ACSM6: variants seen among roughly 807,000 people sequenced by gnomAD.
The protein encoded by ACSM6 is acyl-CoA synthetase medium chain family member 6, also known as acyl-coenzyme A synthetase ACSM6, mitochondrial.
In ACSM6, 35 loss-of-function variants were observed where a neutral mutation model predicts 51.1. That is an observed-to-expected ratio of 0.69 (90% CI 0.52 to 0.91). The LOEUF is 0.91. Ranked by LOEUF, ACSM6 falls within the 40% of genes least tolerant of loss-of-function variation. The pLI is 0.00. For missense variants in ACSM6, 509 were observed against 584.1 expected (o/e 0.87, Z 1.32); for synonymous variants, 172 against 207.3 (o/e 0.83, Z 1.46).
intron 2 of ACSM6, among the ~76,000 whole-genome samples, chr10:95,195,971 G>T (rs1589488259): frequency 6.7e-6 from 1 of 148,472 alleles, no homozygotes; most frequent in Middle Eastern, 3.6e-3. Flanking sequence ...TTTCATCTTT[G>T]CTGAGCTGTG....
intron 8 of ACSM6, among the ~76,000 whole-genome samples, chr10:95,215,314 T>G (rs940794224): frequency 3.9e-5 from 6 of 152,144 alleles, no homozygotes; most frequent in African/African-American, 1.2e-4. Flanking sequence ...AAATTATCAC[T>G]GCTGAAAATG....
At chr10:95,197,437 G>C (rs1473468066) in intron 2 of ACSM6, among the ~76,000 whole-genome samples, 1 of 152,044 alleles carries the variant, frequency 6.6e-6, no homozygotes. Context: ...TGATAATAAG[G>C]AGAAGGTCAG....
At chr10:95,225,464 T>C in intron 10 of ACSM6, 73 bp downstream of exon 10, 1 of 1,077,436 alleles carries the variant, frequency 9.3e-7, no homozygotes, top group Non-Finnish European at 1.3e-6. Flanking sequence ...TGTTGAGTAC[T>C]TTATGATTTG....
At chr10:95,219,892 G>T in exon 9 of ACSM6, 1 of 1,612,888 alleles carries the variant, frequency 6.2e-7, no homozygotes, top group Non-Finnish European at 8.5e-7. Flanking sequence ...TTTGAACAGG[G>T]TCTACTCTGT....
In ACSM6 at chr10:95,202,139, T is replaced by C. The variant is rs777627862; in HGVS notation, c.347T>C (p.Ile116Thr). 29 of 1,552,166 alleles carry C rather than the reference T, an allele frequency of 1.9e-5. No homozygotes were observed. In the South Asian group the frequency reaches 2.6e-4, roughly 14 times the overall value. The change falls in exon 3 of 11, where the codon ATA becomes ACA. Residue 116 changes from isoleucine to threonine, a missense_variant. By Grantham distance (89) the Ile-to-Thr change is moderately conservative. Coordinates refer to ENST00000341686, the Ensembl canonical transcript of ACSM6. ...CTTAGCCATGGAGACCGGCTGATGATAATCTTGCCCCCAACACCTGAAGCC... is the reference window on the plus strand; with the variant it reads ...CTTAGCCATGGAGACCGGCTGATGACAATCTTGCCCCCAACACCTGAAGCC...
chr10:95,225,122 ACTGAACCACACTGCCT>A (rs1476752390), intron 9 of ACSM6, among the ~76,000 whole-genome samples, 152 bp from the exon 10 acceptor site: 1 of 152,190 alleles, frequency 6.6e-6, no homozygotes, highest in Admixed American at 6.5e-5. Flanking sequence ...CACACTGACG[ACTGAACCACACTGCCT>A]CTTAGGTTGC....
intron 5 of ACSM6, among the ~76,000 whole-genome samples, chr10:95,211,183 G>A (rs1041665547): frequency 1.3e-5 from 2 of 152,198 alleles, no homozygotes; most frequent in African/African-American, 4.8e-5. Context: ...GGGTTCTAGA[G>A]TCAGCCTCTA....
At chr10:95,209,452 C>T (rs759775346) in intron 4 of ACSM6, among the ~76,000 whole-genome samples, 2 of 152,032 alleles carry the variant, frequency 1.3e-5, no homozygotes, top group Non-Finnish European at 2.9e-5. Context: ...TGTGAAACTC[C>T]CTCAACTGCT....
At chr10:95,223,295 T>TA (rs1400882758) in intron 9 of ACSM6, among the ~76,000 whole-genome samples, 1 of 151,796 alleles carries the variant, frequency 6.6e-6, no homozygotes, top group Non-Finnish European at 1.5e-5. Context: ...CAAAAACATA[T>TA]AACACCAGGA....
intron 7 of ACSM6, 40 bp downstream of exon 7, chr10:95,212,980 A>T (rs1157278609): frequency 1.3e-6 from 2 of 1,507,766 alleles, no homozygotes; most frequent in South Asian, 2.3e-5. Flanking sequence ...ATTTCCACTC[A>T]TGGTACCATA....
intron 10 of ACSM6, 174 bp from the exon 11 acceptor site, chr10:95,228,470 C>G (rs2035063060): frequency 1.8e-6 from 1 of 568,212 alleles, no homozygotes; most frequent in South Asian, 4.0e-5. Context: ...AGAGAAATGA[C>G]CAAGGAAAGT....
chr10:95,202,315 TG>T (rs2133374052), intron 3 of ACSM6, 120 bp downstream of exon 3: 2 of 915,198 alleles, frequency 2.2e-6, no homozygotes. Context: ...TCCCACAGTG[TG>T]GGGGATCTTT....
chr10:95,205,770 G>C (rs188589100), intron 3 of ACSM6, among the ~76,000 whole-genome samples: 21 of 152,296 alleles, frequency 1.4e-4, no homozygotes, highest in Admixed American at 1.4e-3. Context: ...GGGGGCACTT[G>C]AAAGTGTTTG....
chr10:95,215,117 G>A (rs780667424), intron 8 of ACSM6, 142 bp downstream of exon 8: 56 of 934,712 alleles, frequency 6.0e-5, no homozygotes, highest in Non-Finnish European at 8.5e-5. Context: ...TTAAACTAGG[G>A]AGACCCCTCT....
chr10:95,222,297 A>G (rs189589962), intron 9 of ACSM6, among the ~76,000 whole-genome samples: 15 of 152,268 alleles, frequency 9.9e-5, no homozygotes, highest in Admixed American at 8.5e-4. Flanking sequence ...GTGTTTCTAT[A>G]CACTACAATA....
intron 2 of ACSM6, 127 bp from the exon 3 acceptor site, chr10:95,201,858 C>T: frequency 1.4e-6 from 1 of 719,888 alleles, no homozygotes; most frequent in Non-Finnish European, 2.4e-6. Context: ...ACAGTAGCTC[C>T]CCCTAAGCCC....
At chr10:95,201,666 T>C in intron 2 of ACSM6, 2 of 510,184 alleles carry the variant, frequency 3.9e-6, no homozygotes, top group Non-Finnish European at 7.6e-6. Context: ...TTCTTTTGGG[T>C]AGACACCCAG....
At chr10:95,209,317 T>G (rs868147560) in intron 4 of ACSM6, among the ~76,000 whole-genome samples, 1 of 149,596 alleles carries the variant, frequency 6.7e-6, no homozygotes, top group East Asian at 2.0e-4. Flanking sequence ...GTGCGGAGAG[T>G]GGGGAAGAGA....
chr10:95,226,880 T>C (rs2035044706), intron 10 of ACSM6, among the ~76,000 whole-genome samples: 2 of 152,222 alleles, frequency 1.3e-5, no homozygotes, highest in Admixed American at 6.5e-5. Context: ...TCATTCTTTT[T>C]CTATTTATTT....
Sources: gnomAD v4.1 joint callset for allele counts (sites outside exome capture counted in the v4.1 genomes callset) on GRCh38, gnomAD v4.1.1 for gene constraint, MANE v1.5 for transcripts, NCBI Gene and HGNC (gene_info 2026-07-23, HGNC 2026-07-21) for gene names.